The following EEF1AKMT1 variants were observed in gnomAD, a reference collection of about 807,000 sequenced individuals.
The protein encoded by EEF1AKMT1 is N-6 adenine-specific DNA methyltransferase 2 (putative).
In EEF1AKMT1, 18 loss-of-function variants were observed where a neutral mutation model predicts 21.0. That is an observed-to-expected ratio of 0.86 (90% CI 0.59 to 1.27). The LOEUF is 1.27. Ranked by LOEUF, EEF1AKMT1 falls within the 50% of genes most tolerant of loss-of-function variation. The probability of loss-of-function intolerance (pLI) is 0.00; values close to 1 mark genes in which losing one functional copy is unlikely to be tolerated. For missense variants in EEF1AKMT1, 246 were observed against 258.6 expected (o/e 0.95, Z 0.33); for synonymous variants, 109 against 94.8 (o/e 1.15, Z -0.87).
At chr13:20,731,245 C>T (rs1365556545) in intron 4 of EEF1AKMT1, among the ~76,000 whole-genome samples, 1 of 152,290 alleles carries the variant, frequency 6.6e-6, no homozygotes, top group Middle Eastern at 3.4e-3. Flanking sequence ...CTCCTTGCCT[C>T]AAGTAATCCT....
At chr13:20,766,298 C>CAAAAAAAAAAAAAA (rs35866979) in intron 1 of EEF1AKMT1, among the ~76,000 whole-genome samples, 3 of 76,764 alleles carry the variant, frequency 3.9e-5, no homozygotes, top group Non-Finnish European at 6.9e-5. Context: ...GACTCCATCT[C>CAAAAAAAAAAAAAA]AAAAAAAAAA....
chr13:20,734,500 C>A (rs1297409004), intron 3 of EEF1AKMT1, among the ~76,000 whole-genome samples: 1 of 152,182 alleles, frequency 6.6e-6, no homozygotes, highest in Non-Finnish European at 1.5e-5. Flanking sequence ...AATGAGATGA[C>A]CCTGACAACG....
At chr13:20,730,713 TAAAATGGACCAATCAGCACTCTCTGA>T (rs1328011337) in intron 4 of EEF1AKMT1, among the ~76,000 whole-genome samples, 15 of 152,082 alleles carry the variant, frequency 9.9e-5, no homozygotes, top group South Asian at 2.1e-4. Flanking sequence ...CAGCACTCTG[TAAAATGGACCAATCAGCACTCTCTGA>T]AAAATGGACC....
intron 1 of EEF1AKMT1, among the ~76,000 whole-genome samples, chr13:20,759,839 T>C (rs2058990892): frequency 6.6e-6 from 1 of 152,070 alleles, no homozygotes; most frequent in Admixed American, 6.5e-5. Context: ...GCACAGTGGC[T>C]CATGCCTGTA....
chr13:20,764,230 C>T (rs2059015514), intron 1 of EEF1AKMT1, among the ~76,000 whole-genome samples: 1 of 152,138 alleles, frequency 6.6e-6, no homozygotes. Context: ...CTTTTAGCAA[C>T]ATCCCAGCAA....
At chr13:20,730,606 A>G (rs1482369738) in intron 4 of EEF1AKMT1, among the ~76,000 whole-genome samples, 3 of 152,204 alleles carry the variant, frequency 2.0e-5, no homozygotes, top group Non-Finnish European at 4.4e-5. Context: ...AGATCAAGCA[A>G]TCATCCCACT....
chr13:20,735,767 G>A (rs1044998882), intron 3 of EEF1AKMT1, among the ~76,000 whole-genome samples: 1 of 152,134 alleles, frequency 6.6e-6, no homozygotes, highest in Non-Finnish European at 1.5e-5. Flanking sequence ...GGAGTAAATA[G>A]AGACTATGGA....
chr13:20,748,422 T>C (rs2058920216), intron 2 of EEF1AKMT1, among the ~76,000 whole-genome samples: 1 of 145,384 alleles, frequency 6.9e-6, no homozygotes, highest in African/African-American at 2.6e-5. Context: ...GCGACAGAGC[T>C]AGACTCCGTC....
At chr13:20,738,831 G>A (rs1054073910) in intron 2 of EEF1AKMT1, among the ~76,000 whole-genome samples, 4 of 152,190 alleles carry the variant, frequency 2.6e-5, no homozygotes, top group African/African-American at 4.8e-5. Flanking sequence ...AGGATTGAGG[G>A]ATTAGGAGGT....
chr13:20,739,650 T>C (rs1174728978), intron 2 of EEF1AKMT1, among the ~76,000 whole-genome samples: 4 of 152,144 alleles, frequency 2.6e-5, no homozygotes, highest in East Asian at 3.9e-4. Flanking sequence ...TTACAAACCT[T>C]GAACTAGGCA....
intron 1 of EEF1AKMT1, among the ~76,000 whole-genome samples, chr13:20,771,122 T>G (rs1486587129): frequency 6.6e-6 from 1 of 152,164 alleles, no homozygotes; most frequent in African/African-American, 2.4e-5. Context: ...TCTACCCACC[T>G]TGTTCTCCCA....
At chr13:20,763,070 TC>T (rs2059009150) in intron 1 of EEF1AKMT1, among the ~76,000 whole-genome samples, 1 of 152,234 alleles carries the variant, frequency 6.6e-6, no homozygotes, top group Admixed American at 6.5e-5. Context: ...GAGGATTTCG[TC>T]ACCTATCTTC....
intron 2 of EEF1AKMT1, among the ~76,000 whole-genome samples, chr13:20,738,207 T>C (rs554448537): frequency 1.3e-5 from 2 of 152,360 alleles, no homozygotes; most frequent in East Asian, 3.9e-4. Context: ...GATGGAAGAA[T>C]GAGTTCACTA....
Position 20,757,468 on chromosome 13 carries a change from A to T in EEF1AKMT1, c.131T>A (p.Ile44Lys). The change falls in exon 2 of 5, where the codon ATA (isoleucine) becomes AAA (lysine). Residue 44 changes from isoleucine (I) to lysine (K), a missense_variant. Transcript: ENST00000382758. The part of the protein sequence containing the change: ...GEDDKYNIGI[I>K]EENWQLSQFW... ...GCATTTACTTACCCAATTCTCTTCT[A>T]TTATTCCAATGTTATATTTATCATC... 6.2e-7 allele frequency: 1 copy of T among 1,614,064 alleles called. No homozygotes were observed.
At chr13:20,757,397 T>C in intron 2 of EEF1AKMT1, 58 bp downstream of exon 2, 6 of 1,586,140 alleles carry the variant, frequency 3.8e-6, no homozygotes, top group Non-Finnish European at 2.6e-6. Flanking sequence ...ACTGGACTAA[T>C]GCACAGAGTA....
chr13:20,760,341 G>C (rs997910677), intron 1 of EEF1AKMT1, among the ~76,000 whole-genome samples: 2 of 152,090 alleles, frequency 1.3e-5, no homozygotes, highest in Admixed American at 6.5e-5. Context: ...TATACACCAT[G>C]GAATAGTACA....
At chr13:20,773,296 G>A (rs971858821) in intron 1 of EEF1AKMT1, among the ~76,000 whole-genome samples, 15 of 152,124 alleles carry the variant, frequency 9.9e-5, no homozygotes, top group African/African-American at 3.6e-4. Context: ...CTGACATGTG[G>A]CTCCCTCCCG....
At chr13:20,737,088 A>G (rs1023516060) in intron 3 of EEF1AKMT1, among the ~76,000 whole-genome samples, 2 of 151,946 alleles carry the variant, frequency 1.3e-5, no homozygotes, top group African/African-American at 4.8e-5. Context: ...AAACCAGGCC[A>G]GGCACGGTGG....
At chr13:20,748,725 G>GTTTTT (rs1491496241) in intron 2 of EEF1AKMT1, among the ~76,000 whole-genome samples, 1 of 68,670 alleles carries the variant, frequency 1.5e-5, no homozygotes, top group African/African-American at 5.6e-5. Context: ...GTTTTTTTTT[G>GTTTTT]GTTTTTTTTT....
Sources: allele counts gnomAD v4.1 joint callset (sites outside exome capture counted in the v4.1 genomes callset), GRCh38; gene constraint gnomAD v4.1.1; transcripts MANE v1.5; gene names NCBI Gene and HGNC (gene_info 2026-07-23, HGNC 2026-07-21).